The following OAF variants were observed in gnomAD, a reference collection of about 807,000 sequenced individuals.
The protein encoded by OAF is out at first protein homolog.
Under a neutral mutation model 22.5 loss-of-function variants are expected in OAF, and 13 were observed. The observed-to-expected ratio is 0.58, with a 90% confidence interval of 0.38 to 0.92. OAF has a LOEUF of 0.92. Ranked by LOEUF, OAF falls within the 40% of genes least tolerant of loss-of-function variation. The pLI is 0.00. For synonymous variants in OAF, 175 were observed against 170.5 expected (o/e 1.03, Z -0.21); for missense variants, 347 against 381.8 (o/e 0.91, Z 0.76).
chr11:120,213,201 T>C (rs1294912775), intron 1 of OAF, among the ~76,000 whole-genome samples: 2 of 151,638 alleles, frequency 1.3e-5, no homozygotes, highest in African/African-American at 4.8e-5. Flanking sequence ...GGAAGGTTTT[T>C]ATTGCTGTGA....
rs1182000432 is a variant in OAF, at chr11:120,211,366, G to T, written c.87G>T (p.Pro29=). 2.8e-6 allele frequency: 4 copies of T among 1,449,446 alleles called. No individual in the cohort carries two copies. The East Asian group carries it at 8.9e-5, about 32-fold the overall frequency. 89.8% of individuals were successfully genotyped at this position (1,449,446 alleles called of 1,614,324 possible). The change falls in exon 1 of 4, where the codon CCG becomes CCT. Residue 29 remains proline (P), a synonymous_variant. Coordinates refer to ENST00000328965, the MANE Select transcript of OAF (RefSeq NM_178507.4). The stretch of plus-strand genomic sequence containing the variant: ...CGCCGCTGCTGGGAACGGGTGCGCC[G>T]GCCGAGCTGCGGGTCCGCGTGCGGC... ...LLAPLLGTGA[P]AELRVRVRLP...
chr11:120,218,478 GA>G (rs1938240891), intron 1 of OAF, among the ~76,000 whole-genome samples: 2 of 152,194 alleles, frequency 1.3e-5, no homozygotes, highest in South Asian at 4.1e-4. Flanking sequence ...CCAGCCCAGC[GA>G]AGCCAGCCAC....
chr11:120,215,048 C>CG (rs2135089709), intron 1 of OAF, among the ~76,000 whole-genome samples: 1 of 152,296 alleles, frequency 6.6e-6, no homozygotes, highest in African/African-American at 2.4e-5. Context: ...AGGCAGCAGT[C>CG]GTTTTGGTTT....
intron 1 of OAF, among the ~76,000 whole-genome samples, chr11:120,217,776 C>G (rs1342325115): frequency 6.6e-6 from 1 of 152,228 alleles, no homozygotes; most frequent in Non-Finnish European, 1.5e-5. Context: ...CTTCGCAGAA[C>G]AGAGGCCCGC....
At chr11:120,213,512 C>A (rs987754309) in intron 1 of OAF, among the ~76,000 whole-genome samples, 6 of 152,130 alleles carry the variant, frequency 3.9e-5, no homozygotes, top group African/African-American at 1.4e-4. Flanking sequence ...GTGGAAGACA[C>A]CGAAAGGAAA....
At chr11:120,224,509 T>G (rs536394043) in intron 1 of OAF, among the ~76,000 whole-genome samples, 1 of 152,294 alleles carries the variant, frequency 6.6e-6, no homozygotes, top group South Asian at 2.1e-4. Flanking sequence ...GGCGGAGCTG[T>G]GAGTCCCTTG....
intron 3 of OAF, 43 bp from the exon 4 acceptor site, chr11:120,228,825 T>TACCAACC: frequency 2.3e-6 from 1 of 434,174 alleles, no homozygotes; most frequent in Non-Finnish European, 4.7e-6. Flanking sequence ...GCTCCTTCCC[T>TACCAACC]CCCTCCCTCC....
chr11:120,224,414 T>A (rs754697449), intron 1 of OAF, among the ~76,000 whole-genome samples: 4 of 152,192 alleles, frequency 2.6e-5, no homozygotes, highest in Non-Finnish European at 4.4e-5. Flanking sequence ...CACAACCCTG[T>A]CACATAACTG....
At chr11:120,221,879 C>T (rs775632969) in intron 1 of OAF, among the ~76,000 whole-genome samples, 4 of 152,172 alleles carry the variant, frequency 2.6e-5, no homozygotes, top group Non-Finnish European at 5.9e-5. Flanking sequence ...AACAACCTCC[C>T]GTCTTGGGGA....
rs1206627364 is a variant in OAF, at chr11:120,211,178, C to T, written c.-102C>T. ...CCAAGGCCCCCGGCGGAGCGGCTCCCGGGCGCCCCGAACTAGCCCCCAACT... is the reference window on the plus strand; with the variant it reads ...CCAAGGCCCCCGGCGGAGCGGCTCCTGGGCGCCCCGAACTAGCCCCCAACT... On this transcript the variant is annotated 5_prime_UTR_variant, in exon 1 of 4. Transcript: ENST00000328965. 4.9e-6 allele frequency: 3 copies of T among 607,548 alleles called. No homozygotes were observed. Among genetic ancestry groups the T allele is most frequent in the East Asian group, 5.2e-5 (1 of 19,078 alleles). 37.6% of individuals were successfully genotyped at this position (607,548 alleles called of 1,614,324 possible). A position where few individuals can be genotyped will look rare whatever the true frequency, so the allele number is the denominator to read the frequency against.
chr11:120,222,007 C>T (rs930505793), intron 1 of OAF, among the ~76,000 whole-genome samples: 1 of 152,198 alleles, frequency 6.6e-6, no homozygotes, highest in Non-Finnish European at 1.5e-5. Context: ...CCAACAGATT[C>T]CTGGGCAAGG....
In OAF at chr11:120,230,031, T is replaced by G. The variant is rs1938417017; in HGVS notation, c.*889T>G. The G allele has an allele frequency of 6.6e-6, 1 of 152,244 alleles. No homozygotes were observed. The highest frequency in any genetic ancestry group is 1.5e-5 in the Non-Finnish European group (1 of 68,044). 9.4% of individuals were successfully genotyped at this position (152,244 alleles called of 1,614,324 possible). ...CCCCACACCCTAGCAGTGGCCTATCTTGGAACAAGAACTTCGAAAGCACCT... is the reference window on the plus strand; with the variant it reads ...CCCCACACCCTAGCAGTGGCCTATCGTGGAACAAGAACTTCGAAAGCACCT... On this transcript the variant is annotated 3_prime_UTR_variant, in exon 4 of 4. Transcript: ENST00000328965.
chr11:120,228,434 C>G lies in OAF; in HGVS notation c.548-434C>G, dbSNP rs151168652. ...CTTGACTTCCAACCTTGTCTCCCCA[C>G]GCCTCTATCTCAGCACACTCCGGTA... On this transcript the variant is annotated intron_variant, in intron 3 of 3. Coordinates refer to ENST00000328965, the MANE Select transcript of OAF (RefSeq NM_178507.4). Among the ~76,000 whole-genome samples, 41 of 152,236 alleles carry G rather than the reference C, an allele frequency of 2.7e-4. No homozygotes were observed. In the East Asian group the frequency reaches 7.1e-3, roughly 27 times the overall value.
In OAF at chr11:120,229,317, A is replaced by AG. The variant is rs1378846721; in HGVS notation, c.*180dup. The AG allele has an allele frequency of 1.6e-6, 1 of 641,914 alleles. No homozygotes were observed. The highest frequency in any genetic ancestry group is 2.9e-5 in the Admixed American group (1 of 33,922). 39.8% of individuals were successfully genotyped at this position (641,914 alleles called of 1,614,324 possible). On this transcript the variant is annotated 3_prime_UTR_variant, in exon 4 of 4. Coordinates refer to ENST00000328965, the MANE Select transcript of OAF (RefSeq NM_178507.4). ...GACTGTGAAGGGGGTGTGGCATGGC[A>AG]GGGGGTCTCATGAAGGCACCCCCAT...
intron 1 of OAF, among the ~76,000 whole-genome samples, chr11:120,219,543 C>T (rs1938254994): frequency 1.3e-5 from 2 of 152,192 alleles, no homozygotes; most frequent in Non-Finnish European, 2.9e-5. Flanking sequence ...GATGTCTGCC[C>T]AGGGGTGCTC....
chr11:120,228,581 C>A (rs1938392472), intron 3 of OAF, among the ~76,000 whole-genome samples: 1 of 152,132 alleles, frequency 6.6e-6, no homozygotes, highest in African/African-American at 2.4e-5. Flanking sequence ...ATACTTAGCC[C>A]ATGGGGTGAC....
rs1938419298 is a variant in OAF at position 120,230,186 on chromosome 11, T to C, written c.*1044T>C. ...GCAACCGTAGTAAGCCAGTCAGAAATAGCCAGCGCGAAGGCAAGAGATGGG... is the reference window on the plus strand; with the variant it reads ...GCAACCGTAGTAAGCCAGTCAGAAACAGCCAGCGCGAAGGCAAGAGATGGG... On this transcript the variant is annotated 3_prime_UTR_variant, in exon 4 of 4. Transcript: ENST00000328965. The C allele has an allele frequency of 6.6e-6, 1 of 152,174 alleles. No individual in the cohort carries two copies. Among genetic ancestry groups the C allele is most frequent in the Non-Finnish European group, 1.5e-5 (1 of 68,046 alleles). The allele number at this position is 152,174 out of a possible 1,614,324, so 9.4% of individuals were successfully genotyped here. A position where few individuals can be genotyped will look rare whatever the true frequency, so the allele number is the denominator to read the frequency against.
At chr11:120,228,838 C>T (rs1341996223) in intron 3 of OAF, 30 bp from the exon 4 acceptor site, 3 of 973,430 alleles carry the variant, frequency 3.1e-6, no homozygotes, top group African/African-American at 1.6e-5. Context: ...CTCCCTCCCT[C>T]CCTCCCTGAT....
intron 1 of OAF, among the ~76,000 whole-genome samples, chr11:120,214,181 C>A (rs1038411854): frequency 6.6e-6 from 1 of 152,244 alleles, no homozygotes; most frequent in Non-Finnish European, 1.5e-5. Flanking sequence ...ATGAGACAGA[C>A]TTGGTTTACC....
Sources: allele counts gnomAD v4.1 joint callset (sites outside exome capture counted in the v4.1 genomes callset), GRCh38; gene constraint gnomAD v4.1.1; transcripts MANE v1.5; gene names NCBI Gene and HGNC (gene_info 2026-07-23, HGNC 2026-07-21).